PRR16: variants seen among roughly 807,000 people sequenced by gnomAD.
The protein encoded by PRR16 is proline rich 16.
In PRR16, 6 loss-of-function variants were observed where a neutral mutation model predicts 18.2. The observed-to-expected ratio is 0.33, with a 90% CI of 0.18 to 0.65. PRR16 has a LOEUF of 0.65. PRR16 is among the 30% of genes least tolerant of loss of function. PRR16 has a pLI of 0.74. For missense variants in PRR16, 412 were observed against 376.6 expected, an observed-to-expected ratio of 1.09 and a Z score of -0.78; for synonymous variants, 151 against 147.8, an observed-to-expected ratio of 1.02 and a Z score of -0.16.
At chr5:120,571,498 T>A (rs1243886187) in intron 1 of PRR16, among the ~76,000 whole-genome samples, 1 of 152,154 alleles carries the variant, frequency 6.6e-6, no homozygotes, top group East Asian at 1.9e-4. Flanking sequence ...TGTGAAGACC[T>A]GGCTATTAAT....
intron 1 of PRR16, among the ~76,000 whole-genome samples, chr5:120,520,694 A>G (rs1751144929): frequency 6.6e-6 from 1 of 152,178 alleles, no homozygotes; most frequent in Non-Finnish European, 1.5e-5. Context: ...TGACCATCTT[A>G]CGTGAGTTGT....
intron 1 of PRR16, among the ~76,000 whole-genome samples, chr5:120,569,988 C>T (rs10519640): frequency 0.2 from 31,062 of 151,954 alleles, 3,361 homozygotes; most frequent in Non-Finnish European, 0.21. Context: ...TTAGATTTGG[C>T]TTATTTGGAC....
the PRR16 span, among the ~76,000 whole-genome samples, chr5:120,706,673 T>C: frequency 4.6e-5 from 7 of 152,356 alleles, no homozygotes; most frequent in Admixed American, 2.0e-4. Flanking sequence ...TTACATATGC[T>C]ACTTTAATTC....
chr5:120,484,983 T>C (rs1484920722), intron 1 of PRR16, among the ~76,000 whole-genome samples: 2 of 151,814 alleles, frequency 1.3e-5, no homozygotes, highest in African/African-American at 2.4e-5. Context: ...AAAATACATA[T>C]GATTCCATGG....
chr5:120,747,461 A>G, the PRR16 span, among the ~76,000 whole-genome samples: 2 of 152,192 alleles, frequency 1.3e-5, no homozygotes. Context: ...AGAAAGCTTC[A>G]TCCTTTAGAA....
chr5:120,468,533 G>T (rs1749173713), intron 1 of PRR16, among the ~76,000 whole-genome samples: 1 of 152,156 alleles, frequency 6.6e-6, no homozygotes, highest in South Asian at 2.1e-4. Flanking sequence ...AACCATAACT[G>T]GTAGAGTAGG....
At chr5:120,718,900 A>G in the PRR16 span, among the ~76,000 whole-genome samples, 1 of 152,082 alleles carries the variant, frequency 6.6e-6, no homozygotes, top group African/African-American at 2.4e-5. Context: ...GCATACCACT[A>G]ATAGAAGTGT....
chr5:120,497,591 A>G (rs1274769519), intron 1 of PRR16, among the ~76,000 whole-genome samples: 1 of 151,456 alleles, frequency 6.6e-6, no homozygotes, highest in African/African-American at 2.4e-5. Flanking sequence ...GGGTTTCACT[A>G]TGTTGGCCAG....
At chr5:120,747,783 G>C in the PRR16 span, among the ~76,000 whole-genome samples, 5 of 151,788 alleles carry the variant, frequency 3.3e-5, no homozygotes, top group Non-Finnish European at 5.9e-5. Context: ...AGGAGAAAAA[G>C]AAGGAAAGAA....
chr5:120,490,185 C>T (rs968628052), intron 1 of PRR16, among the ~76,000 whole-genome samples: 2 of 152,110 alleles, frequency 1.3e-5, no homozygotes, highest in African/African-American at 4.8e-5. Flanking sequence ...TTGCCTGAAT[C>T]TGAACGTTGG....
intron 1 of PRR16, among the ~76,000 whole-genome samples, chr5:120,470,949 G>A (rs772377807): frequency 5.9e-5 from 9 of 152,000 alleles, no homozygotes; most frequent in African/African-American, 1.9e-4. Flanking sequence ...GGATCTAAAA[G>A]CTTTAAAATT....
intron 1 of PRR16, among the ~76,000 whole-genome samples, chr5:120,525,686 T>G (rs550792425): frequency 2.6e-5 from 4 of 151,830 alleles, no homozygotes; most frequent in Non-Finnish European, 5.9e-5. Context: ...TTGTGAAATT[T>G]TTACTTGAAA....
chr5:120,607,163 T>A (rs901359318), intron 1 of PRR16, among the ~76,000 whole-genome samples: 3 of 152,168 alleles, frequency 2.0e-5, no homozygotes, highest in Non-Finnish European at 2.9e-5. Context: ...AATAAACTAT[T>A]TGAGACAGTA....
intron 1 of PRR16, among the ~76,000 whole-genome samples, chr5:120,629,748 T>G (rs1256694435): frequency 1.3e-5 from 2 of 152,070 alleles, no homozygotes; most frequent in Non-Finnish European, 2.9e-5. Context: ...CTCTGTTTGT[T>G]TTTTTGAATT....
At chr5:120,586,875 A>G (rs888276059) in intron 1 of PRR16, among the ~76,000 whole-genome samples, 2 of 152,218 alleles carry the variant, frequency 1.3e-5, no homozygotes, top group Non-Finnish European at 2.9e-5. Context: ...CTTAGTGAGG[A>G]GGGCATGTCT....
At chr5:120,642,411 T>G (rs1025748888) in intron 1 of PRR16, among the ~76,000 whole-genome samples, 1 of 152,044 alleles carries the variant, frequency 6.6e-6, no homozygotes, top group African/African-American at 2.4e-5. Flanking sequence ...GGTCTCAGGT[T>G]TTTTTCATGA....
At chr5:120,782,151 G>GTTAT in the PRR16 span, among the ~76,000 whole-genome samples, 1 of 152,130 alleles carries the variant, frequency 6.6e-6, no homozygotes, top group African/African-American at 2.4e-5. Flanking sequence ...TGTGGTTGGT[G>GTTAT]TTATTTTGGA....
chr5:120,759,227 C>T, the PRR16 span, among the ~76,000 whole-genome samples: 23 of 152,082 alleles, frequency 1.5e-4, no homozygotes, highest in Admixed American at 1.1e-3. Flanking sequence ...CTGCCCGCTT[C>T]GGCCTCCCAA....
rs562003094 is a variant in PRR16 at position 120,574,945 on chromosome 5, G to A, written c.159+110300G>A. Among the ~76,000 whole-genome samples, 6 of 148,874 alleles carry A rather than the reference G, an allele frequency of 4.0e-5. No homozygotes were observed. The East Asian group carries it at 9.7e-4, about 24-fold the overall frequency. ...ATACAGCAGTCTCCCCTTATACACA[G>A]TTTCAGTTACCCATGGTCATCCATG... On this transcript the variant is annotated intron_variant, in intron 1 of 1. Coordinates refer to ENST00000407149, the MANE Select transcript of PRR16 (RefSeq NM_001300783.2).
Sources: gnomAD v4.1 joint callset for allele counts (sites outside exome capture counted in the v4.1 genomes callset) on GRCh38, gnomAD v4.1.1 for gene constraint, MANE v1.5 for transcripts, NCBI Gene and HGNC (gene_info 2026-07-23, HGNC 2026-07-21) for gene names.